Variants in SH2D3A observed in about 807,000 individuals in gnomAD.
SH2D3A encodes the protein SH2 domain containing 3A, also known as SH2 domain-containing protein 3A.
SH2D3A carries 46 observed loss-of-function variants against 50.6 expected under a neutral mutation model. That is an observed-to-expected ratio of 0.91 (90% CI 0.72 to 1.16). The LOEUF is 1.16. Ranked by LOEUF, SH2D3A falls within the 50% of genes most tolerant of loss-of-function variation. The pLI is 0.00. For synonymous variants in SH2D3A, 377 were observed against 348.4 expected, an observed-to-expected ratio of 1.08 and a Z score of -0.91; for missense variants, 783 against 786.2, an observed-to-expected ratio of 1.00 and a Z score of 0.05.
chr19:6,765,284 G>C (rs1373372866), intron 1 of SH2D3A, among the ~76,000 whole-genome samples: 2 of 152,126 alleles, frequency 1.3e-5, no homozygotes, highest in Non-Finnish European at 2.9e-5. Context: ...GTCTCATTGA[G>C]TAAAGTCTGG....
At position 6,763,790 on chromosome 19, in the gene SH2D3A, C is replaced by T. The variant is rs1223041327; in HGVS notation, c.-42G>A. 6.5e-7 allele frequency: 1 copy of T among 1,542,008 alleles called. No homozygotes were observed. The highest frequency in any genetic ancestry group is 1.1e-5 in the South Asian group (1 of 87,488). ...GAGGGTGCCAGGGCTGAGCTCTGCA[C>T]TTTCAACAGGCCTCAGTCTTCCACA... On this transcript the variant is annotated 5_prime_UTR_variant, in exon 2 of 10. It adds an upstream start codon to the 5' untranslated region. Coordinates refer to ENST00000245908, the MANE Select transcript of SH2D3A (RefSeq NM_005490.3).
rs780279726 is a variant in SH2D3A at position 6,754,193 on chromosome 19, C to T, written c.1273-30G>A. The T allele has an allele frequency of 1.7e-5, 27 of 1,609,056 alleles. No homozygotes were observed. The South Asian group carries it at 2.8e-4, about 16-fold the overall frequency. The stretch of plus-strand genomic sequence containing the variant: ...GAGAAGAGATCTGAGCACGCCTCCT[C>T]TCCAGTCTTCCCAGTCACCCGCACT... On this transcript the variant is annotated intron_variant, in intron 7 of 9. Transcript: ENST00000245908.
Position 6,763,687 on chromosome 19 carries a change from G to A in SH2D3A, c.62C>T (p.Ser21Phe), listed in dbSNP as rs1970150505. 6.2e-7 allele frequency: 1 copy of A among 1,612,410 alleles called. No individual in the cohort carries two copies. The highest frequency in any genetic ancestry group is 1.7e-5 in the Admixed American group (1 of 59,936). ...TCCTGCTGTGGGTGGTACCTGGCGG[G>A]ACAGGAGGCCGTGGTACCAAGGTTG... Reference protein sequence around the residue: ...AGQPWYHGLLSRQKAEALLQQ... With the variant: ...AGQPWYHGLLFRQKAEALLQQ... Residue 21 changes from serine (S) to phenylalanine (F), a missense_variant, in exon 2 of 10, where the codon TCC becomes TTC. By Grantham distance (155) the Ser-to-Phe change is radical (BLOSUM62 -2). Coordinates refer to ENST00000245908, the MANE Select transcript of SH2D3A (RefSeq NM_005490.3).
In SH2D3A at chr19:6,753,646, G is replaced by C. The variant is rs757766454; in HGVS notation, c.1385-5C>G. ...CCTCGCCGGGGTCGCAGGGTCCTGC[G>C]GAGGGGGAGGGTCTGATCAGGGTTT... On this transcript the variant is annotated splice_polypyrimidine_tract_variant and splice_region_variant and intron_variant, in intron 8 of 9. Transcript: ENST00000245908. The C allele has an allele frequency of 6.4e-7, 1 of 1,559,526 alleles. No individual in the cohort carries two copies. The highest frequency in any genetic ancestry group is 8.7e-7 in the Non-Finnish European group (1 of 1,154,220).
chr19:6,762,681 CTTT>C (rs941083340), intron 2 of SH2D3A, among the ~76,000 whole-genome samples: 4 of 126,758 alleles, frequency 3.2e-5, no homozygotes, highest in Non-Finnish European at 5.2e-5. Context: ...ATAATTTTCG[CTTT>C]TTTTTTTTTT....
chr19:6,756,572 A>G (rs1347539510), intron 4 of SH2D3A, among the ~76,000 whole-genome samples: 2 of 152,084 alleles, frequency 1.3e-5, no homozygotes, highest in Admixed American at 6.6e-5. Flanking sequence ...GTAAACTTTC[A>G]AATGACGTCC....
intron 2 of SH2D3A, 199 bp from the exon 3 acceptor site, chr19:6,761,186 T>G: frequency 6.9e-6 from 4 of 575,732 alleles, no homozygotes; most frequent in Admixed American, 3.1e-5. Flanking sequence ...ATTTCCCAGG[T>G]TCCCTTGCGG....
intron 8 of SH2D3A, 24 bp from the exon 9 acceptor site, chr19:6,753,665 A>G (rs1359020036): frequency 6.5e-7 from 1 of 1,532,306 alleles, no homozygotes; most frequent in African/African-American, 1.4e-5. Context: ...GGGTCTGATC[A>G]GGGTTTGGGG....
intron 4 of SH2D3A, among the ~76,000 whole-genome samples, chr19:6,756,170 ATATT>A (rs1255912393): frequency 1.3e-5 from 2 of 148,176 alleles, no homozygotes; most frequent in Non-Finnish European, 3.0e-5. Flanking sequence ...TATATAATAT[ATATT>A]TAAATTAAGT....
At chr19:6,766,374 TCTC>T (rs1239437531) in intron 1 of SH2D3A, among the ~76,000 whole-genome samples, 1 of 151,976 alleles carries the variant, frequency 6.6e-6, no homozygotes, top group Non-Finnish European at 1.5e-5. Context: ...AACTAAGCCA[TCTC>T]CTGCCTCTGA....
At position 6,755,161 on chromosome 19, in the gene SH2D3A, G is replaced by A. The variant is rs1470011605; in HGVS notation, c.651C>T (p.Pro217=). The change falls in exon 5 of 10, where the codon CCC becomes CCT. Residue 217 remains proline (P), a synonymous_variant. Transcript: ENST00000245908. ...CAGAGGCATCAGGCAGTTCGAAGGAGGGTGTCCGGGGGGGCTTCGTTGGTG... is the reference window on the plus strand; with the variant it reads ...CAGAGGCATCAGGCAGTTCGAAGGAAGGTGTCCGGGGGGGCTTCGTTGGTG... ...AKAPTKPPRT[P]SFELPDASER... The A allele has an allele frequency of 2.5e-5, 40 of 1,605,542 alleles. No homozygotes were observed. The highest frequency in any genetic ancestry group is 3.4e-5 in the Non-Finnish European group (40 of 1,174,390).
chr19:6,759,885 A>G (rs1413027773), intron 3 of SH2D3A, among the ~76,000 whole-genome samples: 1 of 152,066 alleles, frequency 6.6e-6, no homozygotes. Context: ...GCTGCTCAGC[A>G]CCCTATGATG....
rs1013793715 is a variant in SH2D3A at position 6,760,833 on chromosome 19, G to A, written c.224C>T (p.Thr75Ile). Residue 75 changes from threonine to isoleucine, a missense_variant, in exon 3 of 10, where the codon ACA becomes ATA. Thr to Ile is a moderately conservative substitution (Grantham distance 89). Transcript: ENST00000245908. ...CTCATCCTCCAGTTGAAAGAGGGCT[G>A]TGGGTCGGCCTGGCCGGGGACGCAG... ...VALRPRPGRP[T>I]ALFQLEDEQF... is the part of the protein sequence containing the mutation. 1.9e-6 allele frequency: 3 copies of A among 1,614,154 alleles called. No homozygotes were observed. The highest frequency in any genetic ancestry group is 1.3e-5 in the African/African-American group (1 of 74,956).
chr19:6,754,107 C>T lies in SH2D3A; in HGVS notation c.1329G>A (p.Ala443=). The T allele has an allele frequency of 6.2e-7, 1 of 1,613,468 alleles. No individual in the cohort carries two copies. Among genetic ancestry groups the T allele is most frequent in the Non-Finnish European group, 8.5e-7 (1 of 1,179,738 alleles). The change falls in exon 8 of 10, where the codon GCG becomes GCA. Residue 443 remains alanine (A), a synonymous_variant. Transcript: ENST00000245908. The stretch of plus-strand genomic sequence containing the variant: ...GCTTCAGCTCCTGCTCAAAGGCCAG[C>T]GCAGCCTCCGTGTGGCTCCTTCGGA... The part of the protein sequence containing the change: ...RQLRRSHTEA[A]LAFEQELKPL...
Position 6,760,712 on chromosome 19 carries a change from A to G in SH2D3A, c.345T>C (p.Thr115=). 6.2e-7 allele frequency: 1 copy of G among 1,613,638 alleles called. No homozygotes were observed. The highest frequency in any genetic ancestry group is 8.5e-7 in the Non-Finnish European group (1 of 1,179,566). ...ATGAVVSRPV[T]WQGPLRRSFS... is the part of the protein sequence containing the mutation. ...AGCTGCGTCGCAGAGGCCCCTGCCA[A>G]GTCACAGGCCTGGAGACCACAGCCC... Residue 115 remains threonine, a synonymous_variant, in exon 3 of 10, where the codon ACT becomes ACC. Transcript: ENST00000245908.
chr19:6,753,467 T>G lies in SH2D3A; in HGVS notation c.1559A>C (p.Gln520Pro), dbSNP rs1568260899. 8 of 1,513,956 alleles carry G rather than the reference T, an allele frequency of 5.3e-6. No homozygotes were observed. The Admixed American group carries it at 1.3e-4, about 24-fold the overall frequency. The allele number at this position is 1,513,956 out of a possible 1,614,324, so 93.8% of individuals were successfully genotyped here. The change falls in exon 9 of 10, where the codon CAG (glutamine) becomes CCG (proline). Residue 520 changes from glutamine to proline, a missense_variant. Gln to Pro is a moderately conservative substitution (Grantham distance 76). Coordinates refer to ENST00000245908, the MANE Select transcript of SH2D3A (RefSeq NM_005490.3). Reference protein sequence around the residue: ...DAPKFRKVAAQRLRGFRPNPE... With the variant: ...DAPKFRKVAAPRLRGFRPNPE... ...GAGGGAACGCTCACCTCGCAGGCGC[T>G]GGGCTGCCACCTTGCGGAATTTGGG...
intron 6 of SH2D3A, 70 bp downstream of exon 6, chr19:6,754,546 G>A: frequency 6.2e-7 from 1 of 1,602,008 alleles, no homozygotes; most frequent in South Asian, 1.1e-5. Context: ...TGAGTGGGGA[G>A]CTGTTTGGAG....
intron 4 of SH2D3A, chr19:6,759,389 A>T: frequency 2.1e-6 from 1 of 470,370 alleles, no homozygotes; most frequent in Non-Finnish European, 3.9e-6. Context: ...CTGGGATTAC[A>T]GGCATGAGCC....
intron 4 of SH2D3A, chr19:6,758,154 T>TA (rs77749838): frequency 0.1 from 15,310 of 152,048 alleles, 824 homozygotes; most frequent in African/African-American, 0.13. Flanking sequence ...TATTTTATTT[T>TA]TTTTTAGTAG....
Sources: gnomAD v4.1 joint callset for allele counts (sites outside exome capture counted in the v4.1 genomes callset) on GRCh38, gnomAD v4.1.1 for gene constraint, MANE v1.5 for transcripts, NCBI Gene and HGNC (gene_info 2026-07-23, HGNC 2026-07-21) for gene names.